PARD6G: variants seen among roughly 807,000 people sequenced by gnomAD.
PARD6G encodes the protein par-6 family cell polarity regulator gamma, also known as partitioning defective 6 homolog gamma.
PARD6G carries 7 observed loss-of-function variants against 10.7 expected under a neutral mutation model. That is an observed-to-expected ratio of 0.66 (90% CI 0.37 to 1.23). PARD6G has a LOEUF of 1.23. Ranked by LOEUF, PARD6G falls within the 50% of genes most tolerant of loss-of-function variation. PARD6G has a pLI of 0.02. For synonymous variants in PARD6G, 287 were observed against 269.4 expected (o/e 1.07, Z -0.64); for missense variants, 548 against 571.8 (o/e 0.96, Z 0.42).
intron 1 of PARD6G, among the ~76,000 whole-genome samples, chr18:80,232,413 A>C (rs1407186028): frequency 6.6e-6 from 1 of 152,172 alleles, no homozygotes; most frequent in African/African-American, 2.4e-5. Context: ...GAAGTAAAAG[A>C]GGTTTAATTG....
chr18:80,172,241 C>T (rs2052782117), intron 2 of PARD6G, among the ~76,000 whole-genome samples: 1 of 152,176 alleles, frequency 6.6e-6, no homozygotes, highest in Non-Finnish European at 1.5e-5. Context: ...GAAGCGGTGT[C>T]TCACTGTGGT....
At chr18:80,221,646 A>G (rs959917971) in intron 1 of PARD6G, among the ~76,000 whole-genome samples, 1 of 152,190 alleles carries the variant, frequency 6.6e-6, no homozygotes, top group Non-Finnish European at 1.5e-5. Flanking sequence ...CAACAACAAA[A>G]CAAGAATGTC....
At chr18:80,218,692 G>T (rs748133718) in intron 1 of PARD6G, among the ~76,000 whole-genome samples, 3 of 152,252 alleles carry the variant, frequency 2.0e-5, no homozygotes, top group Non-Finnish European at 4.4e-5. Context: ...CTCCAGTGGG[G>T]ACTGTATGTG....
At chr18:80,241,559 A>C (rs1287691509) in intron 1 of PARD6G, among the ~76,000 whole-genome samples, 1 of 152,154 alleles carries the variant, frequency 6.6e-6, no homozygotes, top group Non-Finnish European at 1.5e-5. Flanking sequence ...TGGCACATAT[A>C]TGCACGTATA....
chr18:80,243,001 C>T (rs551050846), intron 1 of PARD6G, among the ~76,000 whole-genome samples: 4 of 152,244 alleles, frequency 2.6e-5, no homozygotes, highest in South Asian at 2.1e-4. Context: ...AGTAGAAATA[C>T]GCACTCAAAG....
chr18:80,206,094 C>T (rs768436940), intron 1 of PARD6G, among the ~76,000 whole-genome samples: 17 of 152,244 alleles, frequency 1.1e-4, no homozygotes, highest in South Asian at 2.1e-4. Context: ...TTTCTCAGTA[C>T]GTTCAATAAT....
intron 1 of PARD6G, among the ~76,000 whole-genome samples, chr18:80,239,745 T>A (rs1163881861): frequency 6.6e-6 from 1 of 152,232 alleles, no homozygotes. Context: ...ACAGCACTAG[T>A]GCCACTTACC....
intron 2 of PARD6G, among the ~76,000 whole-genome samples, chr18:80,191,901 T>C (rs1966901345): frequency 6.6e-6 from 1 of 152,242 alleles, no homozygotes; most frequent in African/African-American, 2.4e-5. Flanking sequence ...AAGAATCATG[T>C]GTTGGGAAAA....
In PARD6G at chr18:80,200,997, C is replaced by T. The variant is rs958525593; in HGVS notation, c.295+1713G>A. ...AGCCTGTGCGCACATCTGCAGTTTA[C>T]ACACCTTCTTCACACCATTGCTCAC... is the stretch of plus-strand genomic sequence containing the variant. On this transcript the variant is annotated intron_variant, in intron 2 of 2. Transcript: ENST00000353265. The surrounding 1 kb of genome is among the most constrained non-coding windows in gnomAD (Gnocchi z 4.4). Among the ~76,000 whole-genome samples, 2 of 152,236 alleles carry T rather than the reference C, an allele frequency of 1.3e-5. No individual in the cohort carries two copies. The highest frequency in any genetic ancestry group is 4.8e-5 in the African/African-American group (2 of 41,462).
intron 2 of PARD6G, among the ~76,000 whole-genome samples, chr18:80,194,783 C>T (rs1966935354): frequency 6.6e-6 from 1 of 151,998 alleles, no homozygotes; most frequent in Non-Finnish European, 1.5e-5. Context: ...AAGAGATGGA[C>T]ATAACTGAGG....
chr18:80,242,176 TCCCTGG>T, intron 1 of PARD6G, among the ~76,000 whole-genome samples: 1 of 144,844 alleles, frequency 6.9e-6, no homozygotes, highest in Admixed American at 6.6e-5. Flanking sequence ...TGCACTTGGG[TCCCTGG>T]TAAGTCTCCC....
In PARD6G at chr18:80,188,576, C is replaced by T. The variant is rs1359213955; in HGVS notation, c.295+14134G>A. On this transcript the variant is annotated intron_variant, in intron 2 of 2. Coordinates refer to ENST00000353265, the MANE Select transcript of PARD6G (RefSeq NM_032510.4). The surrounding 1 kb of genome is among the most constrained non-coding windows in gnomAD (Gnocchi z 5.4). ...CCAGCACAACCATCCCAGCCCTCCT[C>T]GGATGCCCAGTTCGCCAGAGGAAGG... Among the ~76,000 whole-genome samples the T allele has an allele frequency of 1.3e-5, 2 of 152,198 alleles. No individual in the cohort carries two copies. The highest frequency in any genetic ancestry group is 1.9e-4 in the East Asian group (1 of 5,194).
At chr18:80,191,814 T>G (rs1966900702) in intron 2 of PARD6G, among the ~76,000 whole-genome samples, 2 of 152,222 alleles carry the variant, frequency 1.3e-5, no homozygotes, top group Non-Finnish European at 2.9e-5. Flanking sequence ...TTCCTATGAT[T>G]TTGATACAGC....
At position 80,182,847 on chromosome 18, in the gene PARD6G, A is replaced by G. The variant is rs937329022; in HGVS notation, c.295+19863T>C. ...TGGGCAGGACAAATGTTCCCAGAGA[A>G]CTTTTAAATCTGATGTTATAGTTTT... On this transcript the variant is annotated intron_variant, in intron 2 of 2. Coordinates refer to ENST00000353265, the MANE Select transcript of PARD6G (RefSeq NM_032510.4). The surrounding 1 kb of genome is among the most constrained non-coding windows in gnomAD (Gnocchi z 4.5). 2 of 424,092 alleles carry G rather than the reference A, an allele frequency of 4.7e-6. No individual in the cohort carries two copies. Among genetic ancestry groups the G allele is most frequent in the Non-Finnish European group, 8.4e-6 (2 of 239,516 alleles). The allele number at this position is 424,092 out of a possible 1,614,324, so 26.3% of individuals were successfully genotyped here.
chr18:80,160,740 T>A (rs986634473), intron 2 of PARD6G, 134 bp from the exon 3 acceptor site: 1 of 1,307,472 alleles, frequency 7.6e-7, no homozygotes, highest in Non-Finnish European at 9.9e-7. Flanking sequence ...ATTCCAGACC[T>A]GCAGGCTGAG....
In PARD6G at chr18:80,188,818, G is replaced by A. The variant is rs1027203968; in HGVS notation, c.295+13892C>T. Among the ~76,000 whole-genome samples the A allele has an allele frequency of 2.6e-5, 4 of 152,202 alleles. No individual in the cohort carries two copies. Among genetic ancestry groups the A allele is most frequent in the Admixed American group, 2.0e-4 (3 of 15,284 alleles). On this transcript the variant is annotated intron_variant, in intron 2 of 2. Coordinates refer to ENST00000353265, the MANE Select transcript of PARD6G (RefSeq NM_032510.4). This position sits in a 1 kb window ranked among gnomAD's most constrained non-coding sequence, Gnocchi z 5.4. ...AGGCATGTGGGAGAGACAAGCCCACGAGATGGGCTTGCGGGGAAGTCAGGC... is the reference window on the plus strand; with the variant it reads ...AGGCATGTGGGAGAGACAAGCCCACAAGATGGGCTTGCGGGGAAGTCAGGC...
Position 80,161,246 on chromosome 18 carries a change from C to T in PARD6G, c.296-640G>A, listed in dbSNP as rs759782106. Among the ~76,000 whole-genome samples, 3 of 151,960 alleles carry T rather than the reference C, an allele frequency of 2.0e-5. No individual in the cohort carries two copies. Among genetic ancestry groups the T allele is most frequent in the Non-Finnish European group, 2.9e-5 (2 of 68,006 alleles). On this transcript the variant is annotated intron_variant, in intron 2 of 2. Transcript: ENST00000353265. The surrounding 1 kb of genome is among the most constrained non-coding windows in gnomAD (Gnocchi z 4.6). ...TGGCTGCTTCCCTTCTGTGAGGTCC[C>T]GCACAGTCAGTGCTATTTGTAGGCA...
rs546090875 is a variant in PARD6G at position 80,224,374 on chromosome 18, C to G, written c.73-21442G>C. 2.9e-4 allele frequency among the ~76,000 whole-genome samples: 44 copies of G among 152,270 alleles called. 1 individual carries two copies. Among genetic ancestry groups the G allele is most frequent in the Non-Finnish European group, 5.1e-4 (35 of 68,012 alleles). On this transcript the variant is annotated intron_variant, in intron 1 of 2. Transcript: ENST00000353265. ...GTCTTTTTCTGTCTAAAACAAAAAT[C>G]CAAAATCCTTTTGGCCTGCCTGACT...
rs755065642 is a variant in PARD6G at position 80,247,327 on chromosome 18, A to G, written c.22T>C (p.Ser8Pro). The change falls in exon 1 of 3, where the codon TCT (serine) becomes CCT (proline). Residue 8 changes from serine to proline, a missense_variant. Ser to Pro is a moderately conservative substitution (Grantham distance 74). Coordinates refer to ENST00000353265, the MANE Select transcript of PARD6G (RefSeq NM_032510.4). The surrounding 1 kb of genome is among the most constrained non-coding windows in gnomAD (Gnocchi z 4.2). MNRSFHK[S>P]QTLRFYDCSA... Reference sequence around the variant, plus strand: ...CAATCGTAGAATCGCAAGGTCTGAGACTTGTGAAAACTTCGGTTCATGGTT... The same window carrying G: ...CAATCGTAGAATCGCAAGGTCTGAGGCTTGTGAAAACTTCGGTTCATGGTT... 1 of 1,578,112 alleles carries G rather than the reference A, an allele frequency of 6.3e-7. No homozygotes were observed. Among genetic ancestry groups the G allele is most frequent in the Non-Finnish European group, 8.6e-7 (1 of 1,162,700 alleles).
Sources: allele counts gnomAD v4.1 joint callset (sites outside exome capture counted in the v4.1 genomes callset), GRCh38; gene constraint gnomAD v4.1.1; non-coding constraint Gnocchi (gnomAD v3.1); transcripts MANE v1.5; gene names NCBI Gene and HGNC (gene_info 2026-07-23, HGNC 2026-07-21).